EXOC6: variants seen among roughly 807,000 people sequenced by gnomAD.
The protein encoded by EXOC6 is exocyst complex component 6, also known as SEC15-like 1.
Under a neutral mutation model 112.5 loss-of-function variants are expected in EXOC6, and 60 were observed. The observed-to-expected ratio is 0.53, with a 90% CI of 0.43 to 0.66. The LOEUF (loss-of-function observed/expected upper bound fraction) is 0.66, where lower values mean the gene tolerates loss of function less well. Ranked by LOEUF, EXOC6 falls within the 30% of genes least tolerant of loss-of-function variation. The pLI is 0.00. For synonymous variants in EXOC6, 295 were observed against 308.0 expected (o/e 0.96, Z 0.44); for missense variants, 855 against 957.1 (o/e 0.89, Z 1.41).
chr10:92,955,746 T>G, intron 17 of EXOC6, 32 bp downstream of exon 17: 1 of 1,595,018 alleles, frequency 6.3e-7, no homozygotes, highest in Non-Finnish European at 8.5e-7. Context: ...AGTTTTCATT[T>G]CAGTCACTGT....
upstream of EXOC6, among the ~76,000 whole-genome samples, chr10:92,832,077 C>A (rs974510318): frequency 6.6e-6 from 1 of 152,172 alleles, no homozygotes; most frequent in African/African-American, 2.4e-5. Context: ...TATAGTGATG[C>A]TGATGGCTCT....
intron 20 of EXOC6, among the ~76,000 whole-genome samples, chr10:93,023,227 A>G (rs992902228): frequency 4.0e-5 from 6 of 151,710 alleles, no homozygotes; most frequent in Non-Finnish European, 8.8e-5. Context: ...CTGAGGTCAA[A>G]CTCCTGATAT....
At chr10:92,926,273 A>C (rs1211630300) in intron 8 of EXOC6, among the ~76,000 whole-genome samples, 11 of 152,002 alleles carry the variant, frequency 7.2e-5, no homozygotes, top group South Asian at 2.1e-4. Flanking sequence ...AAGAAAAAAA[A>C]CCCACCATAA....
In EXOC6 at chr10:92,932,498, T is replaced by TA. The variant is rs563759443; in HGVS notation, c.973-1643dup. Among the ~76,000 whole-genome samples, 499 of 152,174 alleles carry TA rather than the reference T, an allele frequency of 3.3e-3. 3 individuals carry two copies. Among genetic ancestry groups the TA allele is most frequent in the African/African-American group, 0.011 (473 of 41,514 alleles). On this transcript the variant is annotated intron_variant, in intron 9 of 21. Coordinates refer to ENST00000260762, the MANE Select transcript of EXOC6 (RefSeq NM_019053.6). ...AGAAACAAACATAAACAGAAAATCT[T>TA]AAAGGTACCCAGAAAGAGGTTATTT...
Position 92,996,414 on chromosome 10 carries a change from G to A in EXOC6, c.1954-1060G>A, listed in dbSNP as rs565134413. 1.1e-4 allele frequency among the ~76,000 whole-genome samples: 17 copies of A among 152,192 alleles called. No homozygotes were observed. The South Asian group carries it at 1.7e-3, about 15-fold the overall frequency. On this transcript the variant is annotated intron_variant, in intron 18 of 21. Coordinates refer to ENST00000260762, the MANE Select transcript of EXOC6 (RefSeq NM_019053.6). Reference sequence around the variant, plus strand: ...GGCGGGCGGATCACAAGGTCAGATCGAGACCATCCTGGCTAACATGGTGAA... The same window carrying A: ...GGCGGGCGGATCACAAGGTCAGATCAAGACCATCCTGGCTAACATGGTGAA...
At chr10:92,984,741 C>T (rs1008440350) in intron 18 of EXOC6, among the ~76,000 whole-genome samples, 6 of 152,082 alleles carry the variant, frequency 3.9e-5, no homozygotes, top group Admixed American at 3.9e-4. Context: ...ACTTTCATTG[C>T]ATTTCTTCAT....
chr10:92,948,635 C>T (rs1042832875), intron 14 of EXOC6, among the ~76,000 whole-genome samples: 6 of 143,380 alleles, frequency 4.2e-5, no homozygotes, highest in Non-Finnish European at 6.2e-5. Flanking sequence ...ATTTCGATGA[C>T]GTTAAGAAGA....
chr10:92,975,500 C>T (rs1842505595), intron 18 of EXOC6, among the ~76,000 whole-genome samples: 1 of 150,168 alleles, frequency 6.7e-6, no homozygotes, highest in Non-Finnish European at 1.5e-5. Context: ...CCCGCCCACC[C>T]AGCCGCCCCG....
intron 20 of EXOC6, among the ~76,000 whole-genome samples, chr10:93,035,623 G>A (rs1012179488): frequency 1.2e-4 from 19 of 152,194 alleles, no homozygotes; most frequent in African/African-American, 4.6e-4. Context: ...GGGAGGTTGA[G>A]GTGAGCGGAT....
At chr10:93,018,538 A>T (rs1163230697) in intron 20 of EXOC6, among the ~76,000 whole-genome samples, 2 of 151,784 alleles carry the variant, frequency 1.3e-5, no homozygotes, top group Non-Finnish European at 2.9e-5. Flanking sequence ...CCAAAATATG[A>T]TTGCTGGCAT....
intron 18 of EXOC6, among the ~76,000 whole-genome samples, chr10:92,984,058 C>T (rs2134131785): frequency 6.6e-6 from 1 of 152,118 alleles, no homozygotes; most frequent in East Asian, 1.9e-4. Context: ...AAGCTAAACA[C>T]CAGTAAACAG....
intron 9 of EXOC6, among the ~76,000 whole-genome samples, chr10:92,933,475 A>G (rs946967215): frequency 2.0e-5 from 3 of 152,202 alleles, no homozygotes; most frequent in African/African-American, 7.2e-5. Context: ...ATATTTTCCA[A>G]TCACAGTATT....
At chr10:92,932,245 A>C (rs1852081404) in intron 9 of EXOC6, among the ~76,000 whole-genome samples, 1 of 152,172 alleles carries the variant, frequency 6.6e-6, no homozygotes, top group African/African-American at 2.4e-5. Flanking sequence ...TTTTGAAAAG[A>C]CAAAACTCTA....
At chr10:92,930,735 A>G (rs942570383) in intron 9 of EXOC6, among the ~76,000 whole-genome samples, 4 of 152,152 alleles carry the variant, frequency 2.6e-5, no homozygotes, top group African/African-American at 9.7e-5. Flanking sequence ...GTATTTTCCT[A>G]TGTGAGTTAC....
At chr10:92,989,000 T>C (rs754719221) in intron 18 of EXOC6, among the ~76,000 whole-genome samples, 2 of 152,250 alleles carry the variant, frequency 1.3e-5, no homozygotes, top group Admixed American at 6.5e-5. Flanking sequence ...AAGCCTTTGC[T>C]GATTCCACTT....
chr10:92,889,477 A>T (rs150803996), intron 1 of EXOC6, among the ~76,000 whole-genome samples: 1 of 152,148 alleles, frequency 6.6e-6, no homozygotes, highest in Admixed American at 6.5e-5. Context: ...TTGACACATC[A>T]TTATCATTCA....
intron 2 of EXOC6, 151 bp downstream of exon 2, chr10:92,893,671 A>T (rs1480307999): frequency 3.5e-6 from 2 of 577,700 alleles, no homozygotes; most frequent in African/African-American, 3.7e-5. Context: ...TGCTCTATTA[A>T]CACAGTTGTC....
chr10:92,951,650 T>G (rs1853425320), intron 14 of EXOC6, among the ~76,000 whole-genome samples: 2 of 152,166 alleles, frequency 1.3e-5, no homozygotes, highest in Admixed American at 1.3e-4. Flanking sequence ...ATAACAATCT[T>G]GGAAGGAGTT....
At chr10:92,912,150 C>G (rs1402050974) in intron 6 of EXOC6, among the ~76,000 whole-genome samples, 1 of 151,436 alleles carries the variant, frequency 6.6e-6, no homozygotes, top group Non-Finnish European at 1.5e-5. Flanking sequence ...GATCTCGTAT[C>G]CCTTTTACGG....
Sources: gnomAD v4.1 joint callset for allele counts (sites outside exome capture counted in the v4.1 genomes callset) on GRCh38, gnomAD v4.1.1 for gene constraint, MANE v1.5 for transcripts, NCBI Gene and HGNC (gene_info 2026-07-23, HGNC 2026-07-21) for gene names.